The following CELF2 variants were observed in gnomAD, a reference collection of about 807,000 sequenced individuals.
CELF2 encodes CUG triplet repeat RNA-binding protein 2.
Under a neutral mutation model 62.6 loss-of-function variants are expected in CELF2, and 8 were observed. That is an observed-to-expected ratio of 0.13 (90% CI 0.07 to 0.23). The LOEUF (loss-of-function observed/expected upper bound fraction) is 0.23. CELF2 is among the 10% of genes least tolerant of loss of function. The pLI is 1.00. For synonymous variants in CELF2, 258 were observed against 250.0 expected, an observed-to-expected ratio of 1.03 and a Z score of -0.30; for missense variants, 333 against 671.0, an observed-to-expected ratio of 0.50 and a Z score of 5.56.
In CELF2 at chr10:11,103,487, A is replaced by ATTTTTTTTTT. The variant is rs3054364; in HGVS notation, c.75-61988_75-61979dup. ...CGGATAAACCTGTGTTTGTAGCCTG[A>ATTTTTTTTTT]TTTTTTTTTTTTTTTTTTTTACTGT... On this transcript the variant is annotated intron_variant, in intron 1 of 12. Coordinates refer to ENST00000633077, the MANE Select transcript of CELF2 (RefSeq NM_001326342.2). 6.8e-4 allele frequency among the ~76,000 whole-genome samples: 82 copies of ATTTTTTTTTT among 119,734 alleles called. 2 individuals are homozygous for ATTTTTTTTTT. The highest frequency in any genetic ancestry group is 2.7e-3 in the African/African-American group (78 of 28,574). 78.6% of individuals were successfully genotyped at this position (119,734 alleles called of 152,430 possible).
the CELF2 span, among the ~76,000 whole-genome samples, chr10:10,575,099 A>G: frequency 6.6e-6 from 1 of 152,180 alleles, no homozygotes; most frequent in Non-Finnish European, 1.5e-5. Flanking sequence ...AATAACGTCA[A>G]GAAAAATAAC....
At chr10:11,205,281 G>A (rs923677933) in intron 2 of CELF2, among the ~76,000 whole-genome samples, 6 of 152,196 alleles carry the variant, frequency 3.9e-5, no homozygotes, top group Non-Finnish European at 8.8e-5. Flanking sequence ...GCCTGCGGCA[G>A]GCCTGTCGCG....
At chr10:11,283,435 T>A (rs2089712353) in intron 8 of CELF2, among the ~76,000 whole-genome samples, 1 of 152,172 alleles carries the variant, frequency 6.6e-6, no homozygotes, top group African/African-American at 2.4e-5. Context: ...CAGTAATTAC[T>A]GGATGGTTGG....
At chr10:11,239,795 G>A (rs1469016884) in intron 3 of CELF2, among the ~76,000 whole-genome samples, 6 of 151,936 alleles carry the variant, frequency 3.9e-5, no homozygotes, top group African/African-American at 7.3e-5. Flanking sequence ...ACAGTGGGTC[G>A]TGCCTGTAAT....
the CELF2 span, chr10:10,776,108 A>G: frequency 6.5e-6 from 1 of 152,700 alleles, no homozygotes; most frequent in African/African-American, 2.4e-5. Context: ...TCCAACGTAA[A>G]TACCTCCCAT....
intron 2 of CELF2, chr10:10,966,506 T>C (rs2050137775): frequency 6.6e-6 from 1 of 152,472 alleles, no homozygotes. Context: ...CTCTCCCACC[T>C]TCTCCTCTGG....
intron 2 of CELF2, among the ~76,000 whole-genome samples, chr10:10,962,912 C>G (rs1200391476): frequency 6.6e-6 from 1 of 152,164 alleles, no homozygotes; most frequent in Non-Finnish European, 1.5e-5. Flanking sequence ...CCATATATTG[C>G]TTATGCTTTA....
chr10:10,879,900 C>T (rs2061345060), intron 1 of CELF2, among the ~76,000 whole-genome samples: 1 of 152,156 alleles, frequency 6.6e-6, no homozygotes, highest in Non-Finnish European at 1.5e-5. Flanking sequence ...AATGGCATCA[C>T]GGAGGTGACC....
chr10:11,087,508 C>T (rs971999020), intron 1 of CELF2, among the ~76,000 whole-genome samples: 2 of 152,204 alleles, frequency 1.3e-5, no homozygotes, highest in East Asian at 1.9e-4. Flanking sequence ...GACGGCCCGT[C>T]GACTGACGTA....
the CELF2 span, among the ~76,000 whole-genome samples, chr10:10,590,036 G>A: frequency 3.9e-4 from 60 of 152,286 alleles, no homozygotes; most frequent in African/African-American, 1.3e-3. Flanking sequence ...GGGTGCTCAG[G>A]AATCCTTCCA....
chr10:10,795,239 CTTTTTTTTT>C (rs10551602), upstream of CELF2, among the ~76,000 whole-genome samples: 1 of 134,734 alleles, frequency 7.4e-6, no homozygotes, highest in African/African-American at 2.7e-5. Context: ...ATGGATTCAA[CTTTTTTTTT>C]TTTTTTTTTA....
rs1037823171 is a variant in CELF2, at chr10:11,318,943, T to C, written c.1097-2246T>C. 2.1e-6 allele frequency: 1 copy of C among 471,068 alleles called. No homozygotes were observed. The highest frequency in any genetic ancestry group is 2.0e-5 in the African/African-American group (1 of 50,166). 29.2% of individuals were successfully genotyped at this position (471,068 alleles called of 1,614,324 possible). On this transcript the variant is annotated intron_variant, in intron 10 of 12. Coordinates refer to ENST00000633077, the MANE Select transcript of CELF2 (RefSeq NM_001326342.2). This position sits in a 1 kb window ranked among gnomAD's most constrained non-coding sequence, Gnocchi z 5.4. ...ACCCGCAGCAGACAAGGCATCATGG[T>C]GGTGCGATGCTGCCCACCCCTCCAT... is the stretch of plus-strand genomic sequence containing the variant.
At chr10:10,807,824 T>C (rs543553174) in intron 1 of CELF2, among the ~76,000 whole-genome samples, 1 of 152,186 alleles carries the variant, frequency 6.6e-6, no homozygotes, top group Non-Finnish European at 1.5e-5. Flanking sequence ...GAGTTAGCAA[T>C]TTTATGAAGC....
At chr10:11,020,332 TA>T (rs1389213348) in intron 1 of CELF2, among the ~76,000 whole-genome samples, 8 of 152,220 alleles carry the variant, frequency 5.3e-5, no homozygotes, top group African/African-American at 1.7e-4. Context: ...CCTAAATAGC[TA>T]TTGTGTGTCT....
chr10:10,724,673 A>AAAAAAG, the CELF2 span, among the ~76,000 whole-genome samples: 5 of 150,412 alleles, frequency 3.3e-5, no homozygotes, highest in African/African-American at 9.8e-5. Context: ...AAAAAAAAGA[A>AAAAAAG]AAAAGAAAAG....
In CELF2 at chr10:11,006,480, G is replaced by A. The variant is rs565996992; in HGVS notation, c.53+1040G>A. On this transcript the variant is annotated intron_variant, in intron 1 of 12. Transcript: ENST00000416382. ...GAAAACTTATTGATTGAGAATGCTT[G>A]TAATACCATTATCATTCTGGCAAAT... Among the ~76,000 whole-genome samples the A allele has an allele frequency of 2.0e-5, 3 of 152,334 alleles. No homozygotes were observed. The East Asian group carries it at 5.8e-4, about 29-fold the overall frequency.
the CELF2 span, among the ~76,000 whole-genome samples, chr10:10,606,923 T>C: frequency 3.3e-5 from 5 of 152,204 alleles, no homozygotes; most frequent in Non-Finnish European, 5.9e-5. Context: ...GTGTACCCTG[T>C]GTACCCTGGG....
chr10:11,194,108 C>G (rs56684483), intron 2 of CELF2, among the ~76,000 whole-genome samples: 261 of 152,164 alleles, frequency 1.7e-3, no homozygotes, highest in African/African-American at 6.0e-3. Flanking sequence ...ACTCTGTCGC[C>G]AGGCTGGAGT....
the CELF2 span, among the ~76,000 whole-genome samples, chr10:10,536,958 G>T: frequency 6.6e-6 from 1 of 152,188 alleles, no homozygotes; most frequent in African/African-American, 2.4e-5. Flanking sequence ...GGCAAGAGGA[G>T]GCTTGTTTTG....
Sources: allele counts gnomAD v4.1 joint callset (sites outside exome capture counted in the v4.1 genomes callset), GRCh38; gene constraint gnomAD v4.1.1; non-coding constraint Gnocchi (gnomAD v3.1); transcripts MANE v1.5; gene names NCBI Gene and HGNC (gene_info 2026-07-23, HGNC 2026-07-21).